Variants in TRAF2 observed in about 807,000 individuals in gnomAD.
TRAF2 encodes TNF receptor associated factor 2, also known as TNF receptor-associated factor 2.
A neutral mutation model predicts 55.6 loss-of-function variants in TRAF2; 6 were observed. The ratio of observed to expected loss-of-function variants is 0.11; its 90% CI spans 0.06 to 0.21. The LOEUF is 0.21. Among genes scored for constraint, TRAF2 ranks in the 10% least tolerant of loss-of-function variants. The probability of loss-of-function intolerance (pLI) is 1.00; values close to 1 mark genes in which losing one functional copy is unlikely to be tolerated. For synonymous variants in TRAF2, 329 were observed against 276.3 expected (o/e 1.19, Z -1.89); for missense variants, 561 against 684.5 (o/e 0.82, Z 2.01).
At chr9:136,887,171 G>T (rs918193872) in intron 1 of TRAF2, among the ~76,000 whole-genome samples, 1 of 152,214 alleles carries the variant, frequency 6.6e-6, no homozygotes, top group African/African-American at 2.4e-5. Context: ...GCAGCAAGGA[G>T]CCAGTGCGGG....
Position 136,925,931 on chromosome 9 carries a change from G to C in TRAF2, c.*30G>C. ...CCCCTACTGGTGTCTGGGGGTTGGG[G>C]GCAGCCAGGCACAGCCGGCTCACGG... On this transcript the variant is annotated 3_prime_UTR_variant, in exon 11 of 11. Coordinates refer to ENST00000247668, the MANE Select transcript of TRAF2 (RefSeq NM_021138.4). The C allele has an allele frequency of 5.6e-6, 9 of 1,612,274 alleles. No homozygotes were observed. The highest frequency in any genetic ancestry group is 7.6e-6 in the Non-Finnish European group (9 of 1,179,100).
intron 1 of TRAF2, 97 bp downstream of exon 1, chr9:136,886,638 A>C: frequency 1.5e-6 from 1 of 677,822 alleles, no homozygotes; most frequent in Non-Finnish European, 1.7e-6. Context: ...GGCACCTCTC[A>C]GGGAGACTCC....
intron 7 of TRAF2, 35 bp from the exon 8 acceptor site, chr9:136,920,199 A>G (rs780664782): frequency 6.4e-7 from 1 of 1,570,940 alleles, no homozygotes; most frequent in Non-Finnish European, 8.6e-7. Context: ...CGAATGGTGG[A>G]TGGAGCCAGC....
Position 136,920,332 on chromosome 9 carries a change from A to G in TRAF2, c.777A>G (p.Gly259=), listed in dbSNP as rs536810197. The part of the protein sequence containing the change: ...SSVLEAKPLL[G]DQSHAGSELL... ...TGCTGGAGGCAAAGCCCCTCTTGGG[A>G]GACCAGAGCCACGCGGGGTCAGAGC... The change falls in exon 8 of 11, where the codon GGA becomes GGG. Residue 259 remains glycine, a synonymous_variant. Coordinates refer to ENST00000247668, the MANE Select transcript of TRAF2 (RefSeq NM_021138.4). The G allele has an allele frequency of 1.2e-6, 2 of 1,614,056 alleles. No individual in the cohort carries two copies. Among genetic ancestry groups the G allele is most frequent in the Admixed American group, 3.3e-5 (2 of 60,026 alleles).
intron 7 of TRAF2, among the ~76,000 whole-genome samples, chr9:136,917,334 C>A (rs1036157946): frequency 6.6e-6 from 1 of 152,230 alleles, no homozygotes; most frequent in Non-Finnish European, 1.5e-5. Flanking sequence ...CTTGGGCATG[C>A]CCACTTGTGC....
chr9:136,887,906 G>C (rs1044116599), intron 1 of TRAF2, among the ~76,000 whole-genome samples: 1 of 152,042 alleles, frequency 6.6e-6, no homozygotes, highest in Admixed American at 6.6e-5. Context: ...TTTTGGTCTT[G>C]TTGCCCAGGC....
chr9:136,924,801 A>G (rs534824078), intron 10 of TRAF2, among the ~76,000 whole-genome samples: 22 of 151,820 alleles, frequency 1.4e-4, no homozygotes, highest in Middle Eastern at 3.4e-3. Context: ...GTGCAGTGGC[A>G]TGATCTCGGC....
intron 1 of TRAF2, among the ~76,000 whole-genome samples, chr9:136,895,207 G>A (rs775621484): frequency 6.6e-6 from 1 of 152,144 alleles, no homozygotes; most frequent in Non-Finnish European, 1.5e-5. Context: ...CTCTGGGGCC[G>A]GGTGACCCAC....
At position 136,920,144 on chromosome 9, in the gene TRAF2, G is replaced by A. The variant is rs991791807; in HGVS notation, c.679-90G>A. The A allele has an allele frequency of 1.6e-5, 24 of 1,459,538 alleles. No homozygotes were observed. In the South Asian group the frequency reaches 2.1e-4, roughly 13 times the overall value. The allele number at this position is 1,459,538 out of a possible 1,614,324, so 90.4% of individuals were successfully genotyped here. A position where few individuals can be genotyped will look rare whatever the true frequency, so the allele number is the denominator to read the frequency against. ...TCTATGACCCTGGCCTGTCTCCTCA[G>A]CTCAGCTGAGGCCCACGTCTTGGTG... On this transcript the variant is annotated intron_variant, in intron 7 of 10. Coordinates refer to ENST00000247668, the MANE Select transcript of TRAF2 (RefSeq NM_021138.4).
rs752793487 is a variant in TRAF2, at chr9:136,898,692, G to A, written c.-28-21G>A. The stretch of plus-strand genomic sequence containing the variant: ...GACTGTTCTGGAATTGAGGTGTAAC[G>A]TGCTGTGTGTTCTTCCTTAGGGCTT... On this transcript the variant is annotated intron_variant, in intron 1 of 10. Coordinates refer to ENST00000247668, the MANE Select transcript of TRAF2 (RefSeq NM_021138.4). The A allele has an allele frequency of 1.3e-5, 21 of 1,610,512 alleles. No individual in the cohort carries two copies. In the East Asian group the frequency reaches 1.3e-4, roughly 10 times the overall value.
chr9:136,884,307 C>T (rs568060355), upstream of TRAF2, among the ~76,000 whole-genome samples: 55 of 151,632 alleles, frequency 3.6e-4, 1 homozygote, highest in South Asian at 0.011. Flanking sequence ...GCCTGTAATC[C>T]TAGCACTTTG....
At position 136,925,718 on chromosome 9, in the gene TRAF2, G is replaced by A; in HGVS notation, c.1323G>A (p.Glu441=). The change falls in exon 11 of 11, where the codon GAG becomes GAA. Residue 441 remains glutamate (E), a synonymous_variant. Transcript: ENST00000247668. ...TLMLLDQNNR[E]HVIDAFRPDV... is the part of the protein sequence containing the mutation. ...TGCTGCTCGACCAGAATAACCGGGAGCACGTGATTGACGCCTTCAGGCCCG... is the reference window on the plus strand; with the variant it reads ...TGCTGCTCGACCAGAATAACCGGGAACACGTGATTGACGCCTTCAGGCCCG... The A allele has an allele frequency of 2.5e-6, 4 of 1,614,220 alleles. No homozygotes were observed. Among genetic ancestry groups the A allele is most frequent in the African/African-American group, 1.3e-5 (1 of 75,072 alleles).
At chr9:136,905,971 G>A (rs1168631462) in intron 4 of TRAF2, among the ~76,000 whole-genome samples, 3 of 152,194 alleles carry the variant, frequency 2.0e-5, no homozygotes, top group East Asian at 1.9e-4. Context: ...CGGGTGTGGT[G>A]GCGGGCGCCC....
upstream of TRAF2, among the ~76,000 whole-genome samples, chr9:136,883,825 ATTT>A (rs766805439): frequency 1.7e-5 from 2 of 119,244 alleles, no homozygotes; most frequent in African/African-American, 6.2e-5. Flanking sequence ...CCTTTTGTGT[ATTT>A]TTTTTTTTTT....
At chr9:136,908,043 A>T in intron 4 of TRAF2, 27 bp from the exon 5 acceptor site, 1 of 1,587,736 alleles carries the variant, frequency 6.3e-7, no homozygotes, top group East Asian at 2.2e-5. Context: ...CGCGAGTTCT[A>T]CTGACGCTTC....
intron 1 of TRAF2, among the ~76,000 whole-genome samples, chr9:136,895,519 T>C (rs1044654999): frequency 6.6e-6 from 1 of 152,190 alleles, no homozygotes; most frequent in African/African-American, 2.4e-5. Context: ...CAGCATCTAC[T>C]GTCCTTCCTG....
chr9:136,924,686 G>A lies in TRAF2; in HGVS notation c.1287+686G>A, dbSNP rs542076931. 1.1e-4 allele frequency among the ~76,000 whole-genome samples: 16 copies of A among 152,298 alleles called. 1 individual carries two copies. The South Asian group carries it at 3.3e-3, about 32-fold the overall frequency. On this transcript the variant is annotated intron_variant, in intron 10 of 10. Transcript: ENST00000247668. ...GTTTGAAAACCCTGCCCTGGAGAGA[G>A]AGTGCAGAGGAAGGAACACAGCTTC...
At chr9:136,922,045 G>GT (rs1248779145) in intron 9 of TRAF2, among the ~76,000 whole-genome samples, 1 of 152,250 alleles carries the variant, frequency 6.6e-6, no homozygotes, top group Non-Finnish European at 1.5e-5. Context: ...CCGAGATGCT[G>GT]TAGGCACCTT....
chr9:136,884,848 T>C (rs35309691), upstream of TRAF2, among the ~76,000 whole-genome samples: 450 of 152,340 alleles, frequency 3.0e-3, 1 homozygote, highest in Non-Finnish European at 5.0e-3. Flanking sequence ...AGGCATGAAC[T>C]GCCACGTGAA....
Sources: allele counts gnomAD v4.1 joint callset (sites outside exome capture counted in the v4.1 genomes callset), GRCh38; gene constraint gnomAD v4.1.1; transcripts MANE v1.5; gene names NCBI Gene and HGNC (gene_info 2026-07-23, HGNC 2026-07-21).